The following CHIC1 variants were observed in gnomAD, a reference collection of about 807,000 sequenced individuals.
The protein encoded by CHIC1 is cysteine-rich hydrophobic domain-containing protein 1.
A neutral mutation model predicts 18.5 loss-of-function variants in CHIC1; 7 were observed. That is an observed-to-expected ratio of 0.38 (90% CI 0.22 to 0.71). The LOEUF is 0.71. CHIC1 is among the 30% of genes least tolerant of loss of function. The pLI is 0.49. For synonymous variants in CHIC1, 77 were observed against 73.5 expected (o/e 1.05, Z -0.25); for missense variants, 159 against 176.9 (o/e 0.90, Z 0.57).
chrX:73,617,034 C>A, intron 3 of CHIC1, among the ~76,000 whole-genome samples: 1 of 112,293 alleles, frequency 8.9e-6, no homozygotes, highest in Non-Finnish European at 1.9e-5. Flanking sequence ...ATTTTCTGAA[C>A]TTTTATGCTG....
chrX:73,638,194 G>A (rs1049376886), intron 3 of CHIC1, among the ~76,000 whole-genome samples: 7 of 111,384 alleles, frequency 6.3e-5, no homozygotes, highest in Admixed American at 9.6e-5. Flanking sequence ...AACTTTAGCT[G>A]GTCTGTTTTT....
intron 3 of CHIC1, among the ~76,000 whole-genome samples, chrX:73,611,274 G>GT (rs1200780505): frequency 9.3e-6 from 1 of 107,689 alleles, no homozygotes; most frequent in East Asian, 2.8e-4. Flanking sequence ...GCGGTGTTTG[G>GT]TTTTTTGTCC....
chrX:73,663,430 G>T (rs2147619857), intron 3 of CHIC1, among the ~76,000 whole-genome samples: 1 of 110,500 alleles, frequency 9.0e-6, no homozygotes, highest in South Asian at 3.9e-4. Context: ...CTCCCCCATT[G>T]GGCTAATAGG....
chrX:73,565,725 A>G, intron 1 of CHIC1, among the ~76,000 whole-genome samples: 1 of 111,757 alleles, frequency 8.9e-6, no homozygotes, highest in Non-Finnish European at 1.9e-5. Context: ...AGTTAAAGTA[A>G]TATCCTTATG....
intron 1 of CHIC1, among the ~76,000 whole-genome samples, chrX:73,566,342 G>A (rs1321135174): frequency 9.1e-6 from 1 of 109,441 alleles, no homozygotes; most frequent in Non-Finnish European, 1.9e-5. Flanking sequence ...ACCTGCATTG[G>A]ATATTAATTA....
At chrX:73,615,195 G>A (rs1451697522) in intron 3 of CHIC1, among the ~76,000 whole-genome samples, 2 of 111,790 alleles carry the variant, frequency 1.8e-5, no homozygotes, top group Admixed American at 1.9e-4. Context: ...AGTGGAGCTT[G>A]TGGTGAAGTT....
At chrX:73,573,531 T>C (rs2057481292) in intron 1 of CHIC1, among the ~76,000 whole-genome samples, 1 of 110,511 alleles carries the variant, frequency 9.0e-6, no homozygotes. Context: ...TGCTTTATGT[T>C]GTTGATTCTT....
chrX:73,599,225 G>A (rs1182187453), intron 3 of CHIC1, among the ~76,000 whole-genome samples: 1 of 109,159 alleles, frequency 9.2e-6, no homozygotes, highest in Non-Finnish European at 1.9e-5. Context: ...GTAGATTCTG[G>A]ATATTAGCCC....
At chrX:73,637,968 C>T (rs1239161370) in intron 3 of CHIC1, among the ~76,000 whole-genome samples, 1 of 110,827 alleles carries the variant, frequency 9.0e-6, no homozygotes, top group East Asian at 2.8e-4. Context: ...TTGAAAAAAC[C>T]TCATCTGCCA....
chrX:73,668,069 T>C (rs1603350331), intron 3 of CHIC1, among the ~76,000 whole-genome samples: 2 of 112,016 alleles, frequency 1.8e-5, no homozygotes, highest in African/African-American at 6.5e-5. Flanking sequence ...CTTTTCATTC[T>C]TTTATCTGTA....
chrX:73,648,046 G>A (rs1376975576), intron 3 of CHIC1, among the ~76,000 whole-genome samples: 1 of 111,381 alleles, frequency 9.0e-6, no homozygotes, highest in Non-Finnish European at 1.9e-5. Flanking sequence ...CAGCCTCCAG[G>A]TGTGGAAGAG....
chrX:73,627,753 A>G (rs1195379287), intron 3 of CHIC1, among the ~76,000 whole-genome samples: 1 of 111,121 alleles, frequency 9.0e-6, no homozygotes, highest in East Asian at 2.9e-4. Context: ...TCCAAGAGTC[A>G]AGTCTTGAAA....
At chrX:73,623,880 A>G (rs1223432856) in intron 3 of CHIC1, among the ~76,000 whole-genome samples, 1 of 111,628 alleles carries the variant, frequency 9.0e-6, no homozygotes, top group African/African-American at 3.3e-5. Flanking sequence ...AAGCTCTTTC[A>G]TATATAAACA....
chrX:73,631,308 C>A (rs2068009102), intron 3 of CHIC1, among the ~76,000 whole-genome samples: 1 of 110,723 alleles, frequency 9.0e-6, no homozygotes, highest in Non-Finnish European at 1.9e-5. Flanking sequence ...TTATTCTATT[C>A]TTGCTATTTA....
At chrX:73,655,153 T>C (rs1172753218) in intron 3 of CHIC1, among the ~76,000 whole-genome samples, 1 of 109,243 alleles carries the variant, frequency 9.2e-6, no homozygotes, top group African/African-American at 3.3e-5. Context: ...AGAATGCGGG[T>C]ATTTGGTTTT....
intron 3 of CHIC1, among the ~76,000 whole-genome samples, chrX:73,642,060 T>C (rs1004353318): frequency 1.8e-5 from 2 of 111,608 alleles, no homozygotes; most frequent in African/African-American, 6.5e-5. Context: ...GGTCAAATGG[T>C]ATTTCTAGTT....
intron 1 of CHIC1, among the ~76,000 whole-genome samples, chrX:73,570,768 A>G (rs1477322694): frequency 9.0e-6 from 1 of 111,229 alleles, no homozygotes; most frequent in African/African-American, 3.3e-5. Flanking sequence ...TAGTTTGCTT[A>G]GAAAGAAAAA....
intron 3 of CHIC1, among the ~76,000 whole-genome samples, chrX:73,642,151 C>T (rs1259099129): frequency 1.8e-5 from 2 of 111,628 alleles, no homozygotes; most frequent in Non-Finnish European, 3.8e-5. Flanking sequence ...TAAAAGTGTT[C>T]CTATTTTTCC....
intron 5 of CHIC1, among the ~76,000 whole-genome samples, 153 bp from the exon 6 acceptor site, chrX:73,680,802 C>T (rs2058095244): frequency 9.0e-6 from 1 of 110,687 alleles, no homozygotes; most frequent in African/African-American, 3.3e-5. Flanking sequence ...GGTTTAAGTT[C>T]TTTACATATT....
Sources: gnomAD v4.1 joint callset for allele counts (sites outside exome capture counted in the v4.1 genomes callset) on GRCh38, gnomAD v4.1.1 for gene constraint, MANE v1.5 for transcripts, NCBI Gene and HGNC (gene_info 2026-07-23, HGNC 2026-07-21) for gene names.